CYP4A11: variants seen among roughly 807,000 people sequenced by gnomAD.
The protein encoded by CYP4A11 is cytochrome P450 4A11.
Under a neutral mutation model 57.7 loss-of-function variants are expected in CYP4A11, and 52 were observed. The ratio of observed to expected loss-of-function variants is 0.90; its 90% CI spans 0.72 to 1.14. The LOEUF (loss-of-function observed/expected upper bound fraction) is 1.14. Ranked by LOEUF, CYP4A11 falls within the 50% of genes most tolerant of loss-of-function variation. The pLI is 0.00. For missense variants in CYP4A11, 641 were observed against 642.1 expected (o/e 1.00, Z 0.02); for synonymous variants, 228 against 247.1 (o/e 0.92, Z 0.72).
chr1:46,941,006 T>C, intron 1 of CYP4A11: 1 of 985,002 alleles, frequency 1.0e-6, no homozygotes, highest in Non-Finnish European at 1.2e-6. Context: ...ACACACTTGA[T>C]ATCTGCAGAA....
intron 11 of CYP4A11, 36 bp downstream of exon 11, chr1:46,932,725 A>G: frequency 6.2e-7 from 1 of 1,614,222 alleles, no homozygotes; most frequent in Non-Finnish European, 8.5e-7. Context: ...GACTTCCCTC[A>G]TTCCTCTATT....
chr1:46,937,187 G>A lies in CYP4A11; in HGVS notation c.382+115C>T, dbSNP rs567932456. 1.2e-3 allele frequency: 1,559 copies of A among 1,277,980 alleles called. 4 individuals are homozygous for A. Among genetic ancestry groups the A allele is most frequent in the Non-Finnish European group, 1.6e-3 (1,442 of 912,202 alleles). 79.2% of individuals were successfully genotyped at this position (1,277,980 alleles called of 1,614,324 possible). On this transcript the variant is annotated intron_variant, in intron 3 of 11. Transcript: ENST00000310638. ...TTGTTAGAAGAAGGAAGTGAGGCTT[G>A]ATTTGGGGATAAGGTCATGATAGTG...
chr1:46,930,883 G>A (rs1047047149), intron 11 of CYP4A11, among the ~76,000 whole-genome samples: 9 of 152,152 alleles, frequency 5.9e-5, no homozygotes, highest in East Asian at 1.9e-4. Context: ...CCCAGGGTCC[G>A]GGCTCCTGTC....
chr1:46,931,563 G>T (rs1288873401), intron 11 of CYP4A11: 3 of 718,932 alleles, frequency 4.2e-6, no homozygotes, highest in Non-Finnish European at 5.1e-6. Flanking sequence ...AAAATATAAT[G>T]AAATACACTG....
Position 46,934,485 on chromosome 1 carries a change from A to C in CYP4A11, c.865T>G (p.Leu289Val). 7 of 1,613,798 alleles carry C rather than the reference A, an allele frequency of 4.3e-6. No individual in the cohort carries two copies. The highest frequency in any genetic ancestry group is 5.9e-6 in the Non-Finnish European group (7 of 1,179,822). Residue 289 changes from leucine to valine, a missense_variant, in exon 7 of 12, where the codon TTG becomes GTG. Physicochemically the swap from Leu to Val is conservative, Grantham distance 32 (BLOSUM62 1). Transcript: ENST00000310638. ...ELEKIKRKRH[L>V]DFLDILLLAK... is the part of the protein sequence containing the mutation. Reference sequence around the variant, plus strand: ...AAGAGGAGGATATCCAGAAAATCCAAATGCCTCTTCCTCTTGATCTTCTCC... The same window carrying C: ...AAGAGGAGGATATCCAGAAAATCCACATGCCTCTTCCTCTTGATCTTCTCC...
rs1366486225 is a variant in CYP4A11, at chr1:46,930,024, A to G, written c.*91T>C. ...GGGGGACAGCAGGCAGGTGGGAAGA[A>G]GGGAAGGTGGGCAGACAGAAAACAG... On this transcript the variant is annotated 3_prime_UTR_variant, in exon 12 of 12. Coordinates refer to ENST00000310638, the MANE Select transcript of CYP4A11 (RefSeq NM_000778.4). 4 of 1,445,296 alleles carry G rather than the reference A, an allele frequency of 2.8e-6. No homozygotes were observed. The highest frequency in any genetic ancestry group is 1.4e-5 in the African/African-American group (1 of 70,062). 89.5% of individuals were successfully genotyped at this position (1,445,296 alleles called of 1,614,324 possible).
Position 46,930,190 on chromosome 1 carries a change from C to T in CYP4A11, c.1485G>A (p.Val495=). ...GGTGGATTCCATTTTTGGATTTCAACACAAGTCGTGCAATGGGGATGGGGA... is the reference window on the plus strand; with the variant it reads ...GGTGGATTCCATTTTTGGATTTCAATACAAGTCGTGCAATGGGGATGGGGA... ...TRIPIPIARL[V]LKSKNGIHLR... is the part of the protein sequence containing the mutation. The change falls in exon 12 of 12, where the codon GTG becomes GTA. Residue 495 remains valine, a synonymous_variant. Coordinates refer to ENST00000310638, the MANE Select transcript of CYP4A11 (RefSeq NM_000778.4). 1.2e-6 allele frequency: 2 copies of T among 1,614,082 alleles called. No homozygotes were observed. The highest frequency in any genetic ancestry group is 1.7e-6 in the Non-Finnish European group (2 of 1,179,976).
At chr1:46,932,927 G>C in intron 10 of CYP4A11, 56 bp downstream of exon 10, 1 of 1,614,110 alleles carries the variant, frequency 6.2e-7, no homozygotes, top group African/African-American at 1.3e-5. Context: ...GTGGAAGCAG[G>C]AGAAGGTATT....
chr1:46,940,815 G>A lies in CYP4A11; in HGVS notation c.195+424C>T, dbSNP rs547739909. ...CTTCACAGACCATAAACTCCTCATG[G>A]CATGGATTCCTCAGATGGGTGTCTG... is the stretch of plus-strand genomic sequence containing the variant. On this transcript the variant is annotated intron_variant, in intron 1 of 11. Coordinates refer to ENST00000310638, the MANE Select transcript of CYP4A11 (RefSeq NM_000778.4). 6.1e-6 allele frequency: 6 copies of A among 985,358 alleles called. No individual in the cohort carries two copies. The South Asian group carries it at 2.8e-4, about 46-fold the overall frequency. The allele number at this position is 985,358 out of a possible 1,614,324, so 61.0% of individuals were successfully genotyped here.
intron 1 of CYP4A11, chr1:46,940,832 G>A (rs1570116143): frequency 1.0e-6 from 1 of 985,246 alleles, no homozygotes; most frequent in Non-Finnish European, 1.2e-6. Flanking sequence ...TTCCTCAGAT[G>A]GGTGTCTGTG....
chr1:46,937,684 T>C (rs1681498440), intron 2 of CYP4A11, among the ~76,000 whole-genome samples: 1 of 152,256 alleles, frequency 6.6e-6, no homozygotes, highest in Non-Finnish European at 1.5e-5. Context: ...ATTAGAGCTT[T>C]GAAACCCAGG....
At chr1:46,933,876 A>G (rs1570069696) in intron 9 of CYP4A11, 70 bp downstream of exon 9, 1 of 1,588,716 alleles carries the variant, frequency 6.3e-7, no homozygotes, top group East Asian at 2.3e-5. Context: ...ATTCTGATGC[A>G]CACATGGATT....
Position 46,929,667 on chromosome 1 carries a change from CA to C in CYP4A11, c.*447del, listed in dbSNP as rs890721063. Reference sequence around the variant, plus strand: ...CCTGGGAGAGCAAGGAGCGAGGAGGCAGCAAGTTCAGACACATTCCAGAGCC... The same window carrying C: ...CCTGGGAGAGCAAGGAGCGAGGAGGCGCAAGTTCAGACACATTCCAGAGCC... On this transcript the variant is annotated 3_prime_UTR_variant, in exon 12 of 12. Coordinates refer to ENST00000310638, the MANE Select transcript of CYP4A11 (RefSeq NM_000778.4). The C allele has an allele frequency of 4.3e-5, 4 of 92,058 alleles. No homozygotes were observed. The highest frequency in any genetic ancestry group is 8.9e-5 in the African/African-American group (3 of 33,760). The allele number at this position is 92,058 out of a possible 1,614,324, so 5.7% of individuals were successfully genotyped here.
In CYP4A11 at chr1:46,929,218, T is replaced by C. The variant is rs12041693; in HGVS notation, c.*897A>G. 14,619 of 152,048 alleles carry C rather than the reference T, an allele frequency of 0.096. 797 individuals carry two copies. The highest frequency in any genetic ancestry group is 0.2 in the East Asian group (1,001 of 5,132). 9.4% of individuals were successfully genotyped at this position (152,048 alleles called of 1,614,324 possible). ...TTGTGATAGTTTATTACAGCAGTAA[T>C]AGGAAACTAATATAGGAACAGACAA... On this transcript the variant is annotated 3_prime_UTR_variant, in exon 12 of 12. Transcript: ENST00000310638.
At position 46,935,630 on chromosome 1, in the gene CYP4A11, G is replaced by C. The variant is rs1335151212; in HGVS notation, c.528C>G (p.Leu176=). Residue 176 remains leucine, a synonymous_variant, in exon 5 of 12, where the codon CTC becomes CTG. Transcript: ENST00000310638. ...CCTCCAGAGGGGAATCCTGGCCAAG[G>C]AGCTCTTCCCATTTGTCCTGTGGTG... ...VRVMLDKWEE[L]LGQDSPLEVF... 6.2e-7 allele frequency: 1 copy of C among 1,613,634 alleles called. No individual in the cohort carries two copies. The highest frequency in any genetic ancestry group is 8.5e-7 in the Non-Finnish European group (1 of 1,179,762).
intron 4 of CYP4A11, among the ~76,000 whole-genome samples, chr1:46,936,026 G>A (rs1031140223): frequency 6.6e-6 from 1 of 152,232 alleles, no homozygotes; most frequent in South Asian, 2.1e-4. Flanking sequence ...TGAGGGACTA[G>A]TAGGAAAGTT....
chr1:46,935,406 G>A, intron 5 of CYP4A11, 117 bp downstream of exon 5: 2 of 1,515,742 alleles, frequency 1.3e-6, no homozygotes, highest in South Asian at 1.3e-5. Flanking sequence ...AGTTTGGTCA[G>A]GGACTGACTC....
At position 46,930,142 on chromosome 1, in the gene CYP4A11, G is replaced by A. The variant is rs144907904; in HGVS notation, c.1533C>T (p.Asn511=). Residue 511 remains asparagine (N), a synonymous_variant, in exon 12 of 12, where the codon AAC becomes AAT. Coordinates refer to ENST00000310638, the MANE Select transcript of CYP4A11 (RefSeq NM_000778.4). ...AAAGCTGGTCCTTGTCTTCACAAGG[G>A]TTAGGGAGCCTCCTGAGACGCAGGT... The part of the protein sequence containing the change: ...GIHLRLRRLP[N]PCEDKDQL The A allele has an allele frequency of 2.5e-5, 40 of 1,613,604 alleles. No homozygotes were observed. Among genetic ancestry groups the A allele is most frequent in the Non-Finnish European group, 3.2e-5 (38 of 1,179,788 alleles).
chr1:46,935,031 G>T lies in CYP4A11; in HGVS notation c.759C>A (p.His253Gln), dbSNP rs756182951. 2 of 1,614,014 alleles carry T rather than the reference G, an allele frequency of 1.2e-6. No homozygotes were observed. Among genetic ancestry groups the T allele is most frequent in the African/African-American group, 2.7e-5 (2 of 74,932 alleles). Residue 253 changes from histidine to glutamine, a missense_variant, in exon 6 of 12, where the codon CAC (histidine) becomes CAA (glutamine). By Grantham distance (24) the His-to-Gln change is conservative (BLOSUM62 0). Transcript: ENST00000310638. ...YSLTSAGRWT[H>Q]RACQLAHQHT... ...GCTGATGGGCCAGCTGGCAGGCGCG[G>T]TGTGTCCAGCGGCCAGCAGAGGTCA...
Sources: gnomAD v4.1 joint callset for allele counts (sites outside exome capture counted in the v4.1 genomes callset) on GRCh38, gnomAD v4.1.1 for gene constraint, MANE v1.5 for transcripts, NCBI Gene and HGNC (gene_info 2026-07-23, HGNC 2026-07-21) for gene names.